Variants in CD200 observed in about 807,000 individuals in gnomAD.
CD200 encodes OX-2 membrane glycoprotein.
A neutral mutation model predicts 30.9 loss-of-function variants in CD200; 15 were observed. That is an observed-to-expected ratio of 0.49 (90% confidence interval 0.32 to 0.75). CD200 has a LOEUF of 0.75. Among genes scored for constraint, CD200 ranks in the 30% least tolerant of loss-of-function variants. The pLI is 0.03. For missense variants in CD200, 262 were observed against 324.2 expected, an observed-to-expected ratio of 0.81 and a Z score of 1.47; for synonymous variants, 134 against 126.2, an observed-to-expected ratio of 1.06 and a Z score of -0.41.
At chr3:112,345,838 G>A (rs988412305) in intron 3 of CD200, among the ~76,000 whole-genome samples, 4 of 152,330 alleles carry the variant, frequency 2.6e-5, no homozygotes, top group Admixed American at 2.6e-4. Context: ...TACCTGAAAT[G>A]ATGCCAACTA....
chr3:112,350,697 A>G (rs1422651703), intron 5 of CD200, among the ~76,000 whole-genome samples: 2 of 152,240 alleles, frequency 1.3e-5, no homozygotes, highest in East Asian at 1.9e-4. Context: ...ATTTCAGATG[A>G]CTGAAGGATA....
intron 5 of CD200, among the ~76,000 whole-genome samples, chr3:112,357,271 A>AAG (rs1553720699): frequency 5.7e-5 from 8 of 139,736 alleles, no homozygotes; most frequent in African/African-American, 1.9e-4. Flanking sequence ...AAAAAAAAAA[A>AAG]AAAGAAAGAA....
At chr3:112,357,258 CAAAAAAAA>C (rs753148544) in intron 5 of CD200, among the ~76,000 whole-genome samples, 1 of 81,776 alleles carries the variant, frequency 1.2e-5, no homozygotes, top group East Asian at 3.8e-4. Context: ...GAGACTGTCT[CAAAAAAAA>C]AAAAAAAAGA....
At chr3:112,333,568 G>C (rs554614567) in intron 1 of CD200, 1 of 985,286 alleles carries the variant, frequency 1.0e-6, no homozygotes, top group Non-Finnish European at 1.2e-6. Context: ...CGGCTCACTG[G>C]CTCCAGCTCC....
intron 5 of CD200, 90 bp downstream of exon 5, chr3:112,349,909 G>T: frequency 7.1e-7 from 1 of 1,410,232 alleles, no homozygotes; most frequent in Non-Finnish European, 9.3e-7. Flanking sequence ...ATAAATAAGG[G>T]AATGGCAACA....
At chr3:112,336,336 G>A (rs2081115903) in intron 1 of CD200, among the ~76,000 whole-genome samples, 1 of 151,902 alleles carries the variant, frequency 6.6e-6, no homozygotes, top group South Asian at 2.1e-4. Flanking sequence ...AGATCCTTGA[G>A]AACTCCATTC....
intron 5 of CD200, among the ~76,000 whole-genome samples, chr3:112,355,891 G>A (rs984471734): frequency 7.6e-5 from 11 of 143,844 alleles, no homozygotes; most frequent in Non-Finnish European, 1.5e-4. Context: ...ATAAAAGTAT[G>A]TTCAGTACAA....
intron 5 of CD200, among the ~76,000 whole-genome samples, chr3:112,352,564 A>T (rs1050734064): frequency 5.3e-5 from 7 of 131,076 alleles, no homozygotes; most frequent in Non-Finnish European, 9.9e-5. Context: ...AGAGAGAGAG[A>T]GAGTGTTTAG....
intron 1 of CD200, among the ~76,000 whole-genome samples, chr3:112,339,230 T>C (rs896642895): frequency 2.6e-5 from 4 of 152,206 alleles, no homozygotes; most frequent in African/African-American, 9.6e-5. Context: ...CAATTAAGCT[T>C]CCATTGCCTT....
rs878934905 is a variant in CD200, at chr3:112,361,972, G to GAA, written c.*430_*431dup. On this transcript the variant is annotated 3_prime_UTR_variant, in exon 6 of 6. Coordinates refer to ENST00000315711, the MANE Select transcript of CD200 (RefSeq NM_005944.7). ...AAACTTAATTTAAAATGTAATTCCA[G>GAA]AAAAAAAAAGGGAATAAGCAAAGGG... The GAA allele has an allele frequency of 1.9e-5, 3 of 160,330 alleles. No homozygotes were observed. Among genetic ancestry groups the GAA allele is most frequent in the East Asian group, 3.5e-4 (2 of 5,788 alleles). 9.9% of individuals were successfully genotyped at this position (160,330 alleles called of 1,614,324 possible).
At chr3:112,343,107 A>G (rs901799460) in intron 2 of CD200, among the ~76,000 whole-genome samples, 2 of 151,910 alleles carry the variant, frequency 1.3e-5, no homozygotes, top group African/African-American at 2.4e-5. Context: ...GCTATTTGTT[A>G]TTATGTTGAG....
rs1371208691 is a variant in CD200 at position 112,349,692 on chromosome 3, TC to T, written c.695-19del. The T allele has an allele frequency of 6.3e-7, 1 of 1,590,032 alleles. No individual in the cohort carries two copies. The highest frequency in any genetic ancestry group is 2.2e-5 in the East Asian group (1 of 44,578). ...CCTCATGTGATGTCATTTTCCTTTTTCTTTCTTCAATATCTATAGGCTATTG... is the reference window on the plus strand; with the variant it reads ...CCTCATGTGATGTCATTTTCCTTTTTTTTCTTCAATATCTATAGGCTATTG... On this transcript the variant is annotated intron_variant, in intron 4 of 5. Transcript: ENST00000315711.
chr3:112,343,408 A>G (rs972846942), intron 2 of CD200, among the ~76,000 whole-genome samples: 8 of 152,060 alleles, frequency 5.3e-5, no homozygotes, highest in African/African-American at 1.9e-4. Context: ...GCCTTAAGCA[A>G]TCTTCCTGTC....
chr3:112,345,319 C>T, intron 3 of CD200, 31 bp downstream of exon 3: 1 of 1,544,486 alleles, frequency 6.5e-7, no homozygotes, highest in Non-Finnish European at 8.9e-7. Context: ...TTGTCTGTGT[C>T]TGGAAATACT....
At chr3:112,352,354 A>G (rs72952418) in intron 5 of CD200, among the ~76,000 whole-genome samples, 169 of 152,040 alleles carry the variant, frequency 1.1e-3, no homozygotes, top group African/African-American at 4.0e-3. Flanking sequence ...AGTCCTACAC[A>G]TTTGCCTTCC....
At chr3:112,361,506 GTGTC>G (rs755147361) in intron 5 of CD200, 33 bp from the exon 6 acceptor site, 1 of 1,519,152 alleles carries the variant, frequency 6.6e-7, no homozygotes, top group African/African-American at 1.4e-5. Flanking sequence ...GAATTTACAA[GTGTC>G]CAAAGTTAAT....
At chr3:112,333,676 T>A in intron 1 of CD200, 2 of 985,390 alleles carry the variant, frequency 2.0e-6, no homozygotes, top group Non-Finnish European at 2.4e-6. Context: ...GCGGCGGAGA[T>A]ACAGATTTCC....
At chr3:112,333,037 A>C, upstream of CD200, 1 of 845,104 alleles carries the variant, frequency 1.2e-6, no homozygotes, top group Non-Finnish European at 1.9e-6. Flanking sequence ...CCCCCCACAC[A>C]GACAGCCTCC....
chr3:112,345,293 G>GGC lies in CD200; in HGVS notation c.421+5_421+6insGC. ...CGGCCTGCCTCACCGTCTATGGTGA[G>GGC]AATCTCTGAGAATCATTGTCTGTGT... On this transcript the variant is annotated splice_donor_region_variant and intron_variant, in intron 3 of 5. Transcript: ENST00000315711. 6.3e-7 allele frequency: 1 copy of GGC among 1,599,666 alleles called. No individual in the cohort carries two copies. The highest frequency in any genetic ancestry group is 8.6e-7 in the Non-Finnish European group (1 of 1,167,714).
Sources: gnomAD v4.1 joint callset for allele counts (sites outside exome capture counted in the v4.1 genomes callset) on GRCh38, gnomAD v4.1.1 for gene constraint, MANE v1.5 for transcripts, NCBI Gene and HGNC (gene_info 2026-07-23, HGNC 2026-07-21) for gene names.